Variants in SNTB1 observed in about 807,000 individuals in gnomAD.
SNTB1 encodes beta-1-syntrophin.
In SNTB1, 36 loss-of-function variants were observed where a neutral mutation model predicts 48.9. That is an observed-to-expected ratio of 0.74 (90% CI 0.56 to 0.97). The LOEUF is 0.97. SNTB1 is among the 50% of genes least tolerant of loss of function. The pLI is 0.00. For missense variants in SNTB1, 786 were observed against 703.4 expected (o/e 1.12, Z -1.33); for synonymous variants, 299 against 294.6 (o/e 1.01, Z -0.15).
intron 3 of SNTB1, 93 bp from the exon 4 acceptor site, chr8:120,575,318 A>ACATT (rs1815933947): frequency 4.3e-6 from 6 of 1,404,428 alleles, no homozygotes; most frequent in African/African-American, 1.4e-5. Context: ...ACTCAGCAAT[A>ACATT]CATTGAGTGT....
chr8:120,728,170 G>A (rs1818792678), intron 1 of SNTB1, among the ~76,000 whole-genome samples: 1 of 151,784 alleles, frequency 6.6e-6, no homozygotes, highest in African/African-American at 2.4e-5. Flanking sequence ...GGACTACAGG[G>A]GTGTATTTTT....
intron 1 of SNTB1, among the ~76,000 whole-genome samples, chr8:120,797,494 T>C (rs1175525762): frequency 6.6e-6 from 1 of 150,580 alleles, no homozygotes; most frequent in Non-Finnish European, 1.5e-5. Context: ...CCCAAACTAA[T>C]GCACATTATT....
chr8:120,603,098 GA>G (rs1003687166), intron 3 of SNTB1, among the ~76,000 whole-genome samples: 4 of 140,158 alleles, frequency 2.9e-5, no homozygotes, highest in South Asian at 4.6e-4. Flanking sequence ...AAAGTCTCTA[GA>G]TTTTTTTTTT....
At position 120,547,458 on chromosome 8, in the gene SNTB1, A is replaced by G. The variant is rs374717761; in HGVS notation, c.1333+1304T>C. Among the ~76,000 whole-genome samples the G allele has an allele frequency of 4.6e-5, 7 of 152,006 alleles. No individual in the cohort carries two copies. In the South Asian group the frequency reaches 8.3e-4, roughly 18 times the overall value. On this transcript the variant is annotated intron_variant, in intron 5 of 6. Transcript: ENST00000517992. ...TAAAAAATACAAAAATTAGCTGGGC[A>G]TGGTGGCATGTGCCTGTAATTCCAG...
At chr8:120,623,220 A>C (rs1343435112) in intron 3 of SNTB1, among the ~76,000 whole-genome samples, 1 of 152,208 alleles carries the variant, frequency 6.6e-6, no homozygotes, top group Non-Finnish European at 1.5e-5. Context: ...GAATTTGGAG[A>C]CATTGATCAA....
chr8:120,592,248 C>T (rs143804029), intron 3 of SNTB1, among the ~76,000 whole-genome samples: 1 of 152,000 alleles, frequency 6.6e-6, no homozygotes, highest in Non-Finnish European at 1.5e-5. Flanking sequence ...GTGTCGTGAT[C>T]ACGGCATGCT....
intron 1 of SNTB1, among the ~76,000 whole-genome samples, chr8:120,704,913 T>A (rs1414763192): frequency 1.3e-5 from 2 of 152,200 alleles, no homozygotes; most frequent in African/African-American, 4.8e-5. Context: ...AAGCTGTTGA[T>A]AAGAATACAG....
intron 1 of SNTB1, among the ~76,000 whole-genome samples, chr8:120,780,164 A>G (rs1819810581): frequency 6.6e-6 from 1 of 152,020 alleles, no homozygotes; most frequent in African/African-American, 2.4e-5. Flanking sequence ...GGCAAGAAAG[A>G]ATTTCCAGAA....
At chr8:120,727,489 C>T (rs1438855761) in intron 1 of SNTB1, among the ~76,000 whole-genome samples, 3 of 152,124 alleles carry the variant, frequency 2.0e-5, no homozygotes, top group Admixed American at 6.5e-5. Flanking sequence ...CTTGAAGGGT[C>T]GTGATGAGTA....
chr8:120,684,903 G>A (rs371602713), intron 2 of SNTB1, among the ~76,000 whole-genome samples: 56 of 152,210 alleles, frequency 3.7e-4, no homozygotes, highest in African/African-American at 1.1e-3. Flanking sequence ...TACTCCACCC[G>A]CCTTGGCATC....
intron 4 of SNTB1, among the ~76,000 whole-genome samples, chr8:120,561,029 G>C (rs1018451824): frequency 1.8e-4 from 28 of 152,040 alleles, no homozygotes; most frequent in Admixed American, 4.6e-4. Context: ...GGTGGGGAAG[G>C]AAACAGAAGG....
rs776829908 is a variant in SNTB1 at position 120,575,100 on chromosome 8, AG to A, written c.1121del (p.Pro374LeufsTer55). ...GCCATGGCTACCTGGTGGCAAGAAGAGGGTATGTGTGAACTGGGCTGAACCA... is the reference window on the plus strand; with the variant it reads ...GCCATGGCTACCTGGTGGCAAGAAGAGGTATGTGTGAACTGGGCTGAACCA... Reference protein sequence around the residue: ...EAWFSPVHTYPLLATRLVHSG... With the variant: ...EAWFSPVHTYXLLATRLVHSG... On this transcript the variant is annotated frameshift_variant, in exon 4 of 7. Transcript: ENST00000517992. LOFTEE classifies it high-confidence loss of function. 1 of 1,614,138 alleles carries A rather than the reference AG, an allele frequency of 6.2e-7. No individual in the cohort carries two copies. The highest frequency in any genetic ancestry group is 8.5e-7 in the Non-Finnish European group (1 of 1,180,014).
intron 3 of SNTB1, among the ~76,000 whole-genome samples, chr8:120,623,157 C>T (rs1397385319): frequency 6.6e-6 from 1 of 152,206 alleles, no homozygotes. Context: ...TCCTAAGAGC[C>T]TCACTCAGTT....
intron 4 of SNTB1, chr8:120,570,302 C>T (rs1815822362): frequency 6.6e-6 from 1 of 152,180 alleles, no homozygotes; most frequent in Non-Finnish European, 1.5e-5. Context: ...TTGGATTCAG[C>T]AGTCACTCCT....
chr8:120,774,627 G>A (rs574987635), intron 1 of SNTB1, among the ~76,000 whole-genome samples: 1 of 152,054 alleles, frequency 6.6e-6, no homozygotes, highest in Non-Finnish European at 1.5e-5. Context: ...AAGAAGAGGA[G>A]GGTTTGTTGG....
In SNTB1 at chr8:120,658,770, G is replaced by A. The variant is rs570088780; in HGVS notation, c.789-26119C>T. On this transcript the variant is annotated intron_variant, in intron 2 of 6. Transcript: ENST00000517992. Reference sequence around the variant, plus strand: ...AGGGTGGTGGGTTTTGAAGGCTGGCGTGGCTGTGTCATTTTCTTAAAATAA... The same window carrying A: ...AGGGTGGTGGGTTTTGAAGGCTGGCATGGCTGTGTCATTTTCTTAAAATAA... 1.4e-3 allele frequency among the ~76,000 whole-genome samples: 219 copies of A among 152,228 alleles called. 1 individual carries two copies. Among genetic ancestry groups the A allele is most frequent in the African/African-American group, 5.0e-3 (207 of 41,540 alleles).
At chr8:120,744,590 A>C (rs1819095585) in intron 1 of SNTB1, among the ~76,000 whole-genome samples, 1 of 152,178 alleles carries the variant, frequency 6.6e-6, no homozygotes, top group African/African-American at 2.4e-5. Context: ...AGGGGAACTC[A>C]GTGGGAATAA....
At chr8:120,659,977 C>G (rs1431573500) in intron 2 of SNTB1, among the ~76,000 whole-genome samples, 1 of 152,120 alleles carries the variant, frequency 6.6e-6, no homozygotes. Flanking sequence ...TGCTGAGTAG[C>G]AGGTCTCAAC....
intron 4 of SNTB1, among the ~76,000 whole-genome samples, chr8:120,561,190 G>T (rs1218967703): frequency 1.3e-5 from 2 of 151,824 alleles, no homozygotes; most frequent in Non-Finnish European, 2.9e-5. Context: ...AGACGGGCAT[G>T]GTAGCACATG....
Sources: allele counts gnomAD v4.1 joint callset (sites outside exome capture counted in the v4.1 genomes callset), GRCh38; gene constraint gnomAD v4.1.1; transcripts MANE v1.5; gene names NCBI Gene and HGNC (gene_info 2026-07-23, HGNC 2026-07-21).